The following LIPC variants were observed in gnomAD, a reference collection of about 807,000 sequenced individuals.
LIPC encodes the protein lipase C, hepatic type, also known as hepatic triacylglycerol lipase.
LIPC carries 44 observed loss-of-function variants against 50.7 expected under a neutral mutation model. The ratio of observed to expected loss-of-function variants is 0.87; its 90% CI spans 0.68 to 1.11. LIPC has a LOEUF of 1.11. LIPC is among the 50% of genes most tolerant of loss of function. The pLI, the probability that LIPC is intolerant of heterozygous loss-of-function variation, is 0.00. For synonymous variants in LIPC, 271 were observed against 256.4 expected (o/e 1.06, Z -0.54); for missense variants, 697 against 648.2 (o/e 1.08, Z -0.82).
In LIPC at chr15:58,542,545, A is replaced by G; in HGVS notation, c.468A>G (p.Gln156=). Residue 156 remains glutamine (Q), a synonymous_variant, in exon 4 of 9, where the codon CAA becomes CAG. Coordinates refer to ENST00000299022, the MANE Select transcript of LIPC (RefSeq NM_000236.3). ...CTGCTGTCTTCCAGGAATCTGTGCA[A>G]CTCTCTCGAAGCCATGTTCACCTAA... ...ALLRWLEESV[Q]LSRSHVHLIG... is the part of the protein sequence containing the mutation. 1 of 1,611,264 alleles carries G rather than the reference A, an allele frequency of 6.2e-7. No individual in the cohort carries two copies. Among genetic ancestry groups the G allele is most frequent in the Non-Finnish European group, 8.5e-7 (1 of 1,177,598 alleles).
At chr15:58,471,948 C>G (rs375774642) in intron 1 of LIPC, among the ~76,000 whole-genome samples, 3 of 152,116 alleles carry the variant, frequency 2.0e-5, no homozygotes, top group East Asian at 1.9e-4. Context: ...ATTAGCTCAC[C>G]CTTCTCAGCC....
chr15:58,482,961 G>A (rs1453319713), intron 1 of LIPC, among the ~76,000 whole-genome samples: 1 of 152,170 alleles, frequency 6.6e-6, no homozygotes, highest in Non-Finnish European at 1.5e-5. Flanking sequence ...AACCTGGCCA[G>A]CCTTATAGCG....
chr15:58,461,195 TA>T (rs1319232928), intron 1 of LIPC, among the ~76,000 whole-genome samples: 1 of 152,026 alleles, frequency 6.6e-6, no homozygotes, highest in Admixed American at 6.6e-5. Flanking sequence ...ATAGTAACAA[TA>T]AAAAAAGCTA....
intron 8 of LIPC, chr15:58,566,584 T>C (rs1894372560): frequency 2.2e-6 from 1 of 453,452 alleles, no homozygotes; most frequent in Non-Finnish European, 2.9e-6. Context: ...GGAAAAGAAG[T>C]AGGTTAAGTA....
intron 3 of LIPC, 46 bp from the exon 4 acceptor site, chr15:58,542,488 A>G: frequency 7.7e-7 from 1 of 1,293,202 alleles, no homozygotes; most frequent in Non-Finnish European, 1.1e-6. Context: ...AAAGGCTTTC[A>G]TCCAGGCAGC....
chr15:58,452,446 A>G (rs1447137334), intron 1 of LIPC, among the ~76,000 whole-genome samples: 1 of 152,220 alleles, frequency 6.6e-6, no homozygotes, highest in East Asian at 1.9e-4. Context: ...TGTGAACGTG[A>G]AACAGTTTTC....
At chr15:58,508,781 G>A (rs1892242975) in intron 1 of LIPC, among the ~76,000 whole-genome samples, 1 of 151,686 alleles carries the variant, frequency 6.6e-6, no homozygotes, top group African/African-American at 2.4e-5. Flanking sequence ...CTCCAGCACT[G>A]TGCAGGAAGA....
intron 1 of LIPC, among the ~76,000 whole-genome samples, chr15:58,528,714 C>T (rs1471184742): frequency 2.6e-5 from 4 of 152,206 alleles, no homozygotes; most frequent in South Asian, 2.1e-4. Context: ...TAACAAGCCA[C>T]GCTCAGGGCA....
At chr15:58,438,741 G>T (rs963282816) in intron 1 of LIPC, among the ~76,000 whole-genome samples, 2 of 152,242 alleles carry the variant, frequency 1.3e-5, no homozygotes, top group African/African-American at 4.8e-5. Context: ...ACAAAGTAGC[G>T]CAGTGACATC....
intron 1 of LIPC, among the ~76,000 whole-genome samples, chr15:58,510,955 G>A (rs1302254809): frequency 6.6e-6 from 1 of 152,222 alleles, no homozygotes; most frequent in African/African-American, 2.4e-5. Context: ...ACAAAGTGCT[G>A]TCACGTGATG....
chr15:58,453,349 C>A (rs1278709949), intron 1 of LIPC, among the ~76,000 whole-genome samples: 1 of 152,104 alleles, frequency 6.6e-6, no homozygotes, highest in African/African-American at 2.4e-5. Flanking sequence ...AACAATATGA[C>A]CATTTCTGCC....
intron 6 of LIPC, among the ~76,000 whole-genome samples, chr15:58,560,027 A>T (rs4528512): frequency 0.51 from 77,927 of 152,062 alleles, 20,731 homozygotes; most frequent in East Asian, 0.84. Context: ...TGATAATAAC[A>T]ATGCCTACAT....
chr15:58,439,078 G>A (rs574390091), intron 1 of LIPC, among the ~76,000 whole-genome samples: 1 of 152,324 alleles, frequency 6.6e-6, no homozygotes, highest in African/African-American at 2.4e-5. Flanking sequence ...ACTGGCAGTG[G>A]CCCTTAAAAA....
At chr15:58,558,220 C>A (rs538611715) in intron 6 of LIPC, among the ~76,000 whole-genome samples, 69 of 152,018 alleles carry the variant, frequency 4.5e-4, no homozygotes, top group African/African-American at 1.5e-3. Flanking sequence ...CTACAGGCGC[C>A]CACCACCACA....
At chr15:58,461,379 T>A (rs549695887) in intron 1 of LIPC, among the ~76,000 whole-genome samples, 2 of 152,254 alleles carry the variant, frequency 1.3e-5, no homozygotes, top group East Asian at 3.9e-4. Context: ...AGAGCCAGGA[T>A]TTGAACACAG....
chr15:58,568,620 C>A, intron 8 of LIPC, 96 bp from the exon 9 acceptor site: 1 of 769,856 alleles, frequency 1.3e-6, no homozygotes, highest in Non-Finnish European at 2.3e-6. Flanking sequence ...CATCACATGC[C>A]TTACACAAAT....
At chr15:58,494,916 A>G (rs1595895929) in intron 1 of LIPC, 1 of 455,592 alleles carries the variant, frequency 2.2e-6, no homozygotes, top group Non-Finnish European at 4.4e-6. Flanking sequence ...ATTAAATATT[A>G]GTCCAGTCCC....
At chr15:58,450,553 C>A (rs1358142763) in intron 1 of LIPC, among the ~76,000 whole-genome samples, 1 of 152,128 alleles carries the variant, frequency 6.6e-6, no homozygotes, top group African/African-American at 2.4e-5. Flanking sequence ...CAATTTAAAT[C>A]TTTTTGTAGG....
At chr15:58,456,952 G>A (rs779173237) in intron 1 of LIPC, among the ~76,000 whole-genome samples, 1 of 152,158 alleles carries the variant, frequency 6.6e-6, no homozygotes, top group East Asian at 1.9e-4. Flanking sequence ...GAGGTCAAGT[G>A]GCATACCCAG....
Sources: allele counts gnomAD v4.1 joint callset (sites outside exome capture counted in the v4.1 genomes callset), GRCh38; gene constraint gnomAD v4.1.1; transcripts MANE v1.5; gene names NCBI Gene and HGNC (gene_info 2026-07-23, HGNC 2026-07-21).